Variants in SFMBT1 observed in about 807,000 individuals in gnomAD.
The protein encoded by SFMBT1 is Scm like with four mbt domains 1.
A neutral mutation model predicts 108.7 loss-of-function variants in SFMBT1; 32 were observed. That is an observed-to-expected ratio of 0.29 (90% CI 0.22 to 0.40). The LOEUF (loss-of-function observed/expected upper bound fraction) is 0.40, where lower values mean the gene tolerates loss of function less well. Ranked by LOEUF, SFMBT1 falls within the 10% of genes least tolerant of loss-of-function variation. SFMBT1 has a pLI of 1.00. For missense variants in SFMBT1, 816 were observed against 1,059.6 expected, an observed-to-expected ratio of 0.77 and a Z score of 3.19; for synonymous variants, 348 against 369.5, an observed-to-expected ratio of 0.94 and a Z score of 0.67.
Position 52,912,583 on chromosome 3 carries a change from T to C in SFMBT1, c.1685A>G (p.Asp562Gly). ...PSRVLRELQL[D>G]KDSVWHGCGE... The stretch of plus-strand genomic sequence containing the variant: ...ACATCCGTGCCACACAGAGTCTTTG[T>C]CCAGCTGGAGCTCCCGAAGGACACG... Residue 562 changes from aspartate to glycine, a missense_variant, in exon 16 of 21, where the codon GAC (aspartate) becomes GGC (glycine). Physicochemically the swap from Asp to Gly is moderately conservative, Grantham distance 94. This residue lies in a region of SFMBT1 where 79 missense variants were observed against 120.8 expected (regional missense o/e 0.65). Coordinates refer to ENST00000394752, the MANE Select transcript of SFMBT1 (RefSeq NM_016329.4). The C allele has an allele frequency of 1.2e-6, 2 of 1,614,156 alleles. No homozygotes were observed. The highest frequency in any genetic ancestry group is 1.7e-6 in the Non-Finnish European group (2 of 1,179,996).
chr3:52,909,509 A>T (rs1702166676), intron 17 of SFMBT1, among the ~76,000 whole-genome samples: 1 of 152,220 alleles, frequency 6.6e-6, no homozygotes, highest in Non-Finnish European at 1.5e-5. Context: ...CCTTGGATCA[A>T]TAGCATCAGT....
At chr3:53,009,665 GA>G (rs1392074607) in intron 1 of SFMBT1, among the ~76,000 whole-genome samples, 1 of 152,004 alleles carries the variant, frequency 6.6e-6, no homozygotes, top group East Asian at 1.9e-4. Context: ...GCCCTCACAG[GA>G]AAAAATCTGC....
intron 1 of SFMBT1, among the ~76,000 whole-genome samples, chr3:53,024,112 G>A (rs559248276): frequency 6.6e-6 from 1 of 152,274 alleles, no homozygotes; most frequent in South Asian, 2.1e-4. Context: ...TAACACAAGT[G>A]CTAAGGAGAA....
intron 1 of SFMBT1, among the ~76,000 whole-genome samples, chr3:52,984,472 C>A (rs1704833338): frequency 6.6e-6 from 1 of 151,750 alleles, no homozygotes. Flanking sequence ...TCTAGGTTTA[C>A]CAATCAGCCT....
At position 53,001,951 on chromosome 3, in the gene SFMBT1, A is replaced by T. The variant is rs997971299; in HGVS notation, c.-130-32693T>A. ...CACACACACACACACACACACACAC[A>T]CACACACACACACACACACACATAA... On this transcript the variant is annotated intron_variant, in intron 1 of 20. Coordinates refer to ENST00000394752, the MANE Select transcript of SFMBT1 (RefSeq NM_016329.4). Among the ~76,000 whole-genome samples the T allele has an allele frequency of 2.4e-4, 35 of 148,108 alleles. 3 individuals are homozygous for T. In the South Asian group the frequency reaches 7.0e-3, roughly 29 times the overall value.
intron 1 of SFMBT1, among the ~76,000 whole-genome samples, chr3:52,979,745 A>T (rs1341541418): frequency 6.6e-6 from 1 of 152,350 alleles, no homozygotes; most frequent in East Asian, 1.9e-4. Context: ...TGATACTATG[A>T]ACAGTCATGG....
In SFMBT1 at chr3:52,928,651, T is replaced by TAC. The variant is rs1215847049; in HGVS notation, c.898-311_898-310insGT. Reference sequence around the variant, plus strand: ...ACATATATATACATATATATATATATATACACATATATACATATATACACA... The same window carrying TAC: ...ACATATATATACATATATATATATATACATACACATATATACATATATACACA... On this transcript the variant is annotated intron_variant, in intron 8 of 20. Coordinates refer to ENST00000394752, the MANE Select transcript of SFMBT1 (RefSeq NM_016329.4). Among the ~76,000 whole-genome samples the TAC allele has an allele frequency of 2.2e-4, 5 of 22,834 alleles. 1 individual carries two copies. Among genetic ancestry groups the TAC allele is most frequent in the African/African-American group, 5.5e-4 (5 of 9,138 alleles). The allele number at this position is 22,834 out of a possible 152,430, so 15.0% of individuals were successfully genotyped here.
intron 1 of SFMBT1, among the ~76,000 whole-genome samples, chr3:52,977,284 G>A (rs1333325183): frequency 2.0e-5 from 3 of 152,082 alleles, no homozygotes; most frequent in Non-Finnish European, 2.9e-5. Flanking sequence ...GCTGAGGCAG[G>A]TGGATCACGA....
At chr3:53,002,935 T>C (rs1698609311) in intron 1 of SFMBT1, among the ~76,000 whole-genome samples, 1 of 149,400 alleles carries the variant, frequency 6.7e-6, no homozygotes, top group African/African-American at 2.4e-5. Context: ...AGTCAGGAAT[T>C]TGAGGGTAAA....
intron 1 of SFMBT1, among the ~76,000 whole-genome samples, chr3:53,012,570 T>G (rs1193259564): frequency 6.8e-6 from 1 of 148,122 alleles, no homozygotes; most frequent in Non-Finnish European, 1.5e-5. Context: ...GCCCGGCTAA[T>G]TTTTTGTATT....
intron 4 of SFMBT1, among the ~76,000 whole-genome samples, chr3:52,935,149 A>G (rs1702969483): frequency 6.6e-6 from 1 of 152,242 alleles, no homozygotes; most frequent in South Asian, 2.1e-4. Flanking sequence ...ACCTATTCCT[A>G]TAATTTTACC....
At chr3:52,989,520 G>T (rs903025314) in intron 1 of SFMBT1, among the ~76,000 whole-genome samples, 1 of 151,662 alleles carries the variant, frequency 6.6e-6, no homozygotes, top group East Asian at 1.9e-4. Context: ...AAAAAATAAG[G>T]CCAGGTGTGG....
At chr3:52,910,312 C>T (rs11716506) in intron 17 of SFMBT1, among the ~76,000 whole-genome samples, 17,109 of 152,086 alleles carry the variant, frequency 0.11, 998 homozygotes, top group Non-Finnish European at 0.13. Flanking sequence ...ACACAATGAG[C>T]ACAAAATATA....
intron 1 of SFMBT1, among the ~76,000 whole-genome samples, chr3:52,978,116 A>T (rs1391842662): frequency 6.6e-6 from 1 of 152,176 alleles, no homozygotes; most frequent in African/African-American, 2.4e-5. Context: ...TCTAAATGTC[A>T]TAAGTGATAG....
intron 2 of SFMBT1, among the ~76,000 whole-genome samples, chr3:52,961,897 T>C (rs181227851): frequency 1.3e-5 from 2 of 152,240 alleles, no homozygotes; most frequent in Non-Finnish European, 2.9e-5. Flanking sequence ...AAGTAACAAT[T>C]AAAATGATGA....
At chr3:53,045,416 G>A (rs995055057) in intron 1 of SFMBT1, 1 of 143,390 alleles carries the variant, frequency 7.0e-6, no homozygotes, top group African/African-American at 2.5e-5. Flanking sequence ...GCGCGCCGGG[G>A]AACTTGGGCG....
chr3:53,035,381 G>T lies in SFMBT1; in HGVS notation c.-131+10435C>A, dbSNP rs1215144419. On this transcript the variant is annotated intron_variant, in intron 1 of 20. Transcript: ENST00000394752. ...GCTCTACTTGGCCTCAGTGTAGCTG[G>T]ATGGATGGGAGAGGTGGGGAAGGTA... 2.0e-5 allele frequency among the ~76,000 whole-genome samples: 3 copies of T among 152,206 alleles called. No individual in the cohort carries two copies. In the East Asian group the frequency reaches 5.8e-4, roughly 29 times the overall value.
At chr3:52,961,321 C>A (rs554701082) in intron 2 of SFMBT1, among the ~76,000 whole-genome samples, 2 of 152,236 alleles carry the variant, frequency 1.3e-5, no homozygotes, top group Non-Finnish European at 2.9e-5. Flanking sequence ...AACAGGTATA[C>A]CTTTCCATTT....
chr3:52,951,617 T>C (rs1703596348), intron 3 of SFMBT1, among the ~76,000 whole-genome samples: 1 of 152,160 alleles, frequency 6.6e-6, no homozygotes, highest in Non-Finnish European at 1.5e-5. Context: ...TTTCATCATG[T>C]TGGCCAGGCT....
Sources: allele counts gnomAD v4.1 joint callset (sites outside exome capture counted in the v4.1 genomes callset), GRCh38; gene constraint gnomAD v4.1.1; regional missense constraint gnomAD v4.1.1; transcripts MANE v1.5; gene names NCBI Gene and HGNC (gene_info 2026-07-23, HGNC 2026-07-21).